Variants in FARP1 observed in about 807,000 individuals in gnomAD.
The protein encoded by FARP1 is FERM, ARH/RhoGEF and pleckstrin domain protein 1.
Under a neutral mutation model 128.8 loss-of-function variants are expected in FARP1, and 52 were observed. That is an observed-to-expected ratio of 0.40 (90% CI 0.32 to 0.51). The LOEUF is 0.51. FARP1 is among the 20% of genes least tolerant of loss of function. The pLI is 0.45. For synonymous variants in FARP1, 580 were observed against 551.8 expected (o/e 1.05, Z -0.72); for missense variants, 1,333 against 1,367.9 (o/e 0.97, Z 0.40).
chr13:98,331,981 T>C (rs1434412472), intron 2 of FARP1, among the ~76,000 whole-genome samples: 2 of 152,244 alleles, frequency 1.3e-5, no homozygotes, highest in African/African-American at 4.8e-5. Context: ...TGACTTTTTC[T>C]ACCCTCCCCA....
intron 2 of FARP1, among the ~76,000 whole-genome samples, chr13:98,324,340 G>A (rs1294340459): frequency 2.0e-5 from 3 of 152,130 alleles, no homozygotes; most frequent in South Asian, 4.1e-4. Flanking sequence ...ATGGAAAAGC[G>A]AAACACGGTT....
chr13:98,432,120 G>A (rs1480908999), intron 18 of FARP1: 4 of 152,196 alleles, frequency 2.6e-5, no homozygotes, highest in Admixed American at 1.3e-4. Flanking sequence ...AGAGGTTAAG[G>A]AACCTGCCCA....
At chr13:98,445,885 A>G in intron 24 of FARP1, 1 of 520,266 alleles carries the variant, frequency 1.9e-6, no homozygotes, top group Non-Finnish European at 3.4e-6. Flanking sequence ...CAGGGACCCC[A>G]AGATGCCCCA....
intron 6 of FARP1, among the ~76,000 whole-genome samples, chr13:98,382,040 T>A (rs1889904562): frequency 6.7e-6 from 1 of 150,248 alleles, no homozygotes; most frequent in Non-Finnish European, 1.5e-5. Flanking sequence ...CTGGGCAACA[T>A]AGTGAGAGCC....
chr13:98,412,865 A>G (rs1349804741), intron 16 of FARP1, among the ~76,000 whole-genome samples: 1 of 152,232 alleles, frequency 6.6e-6, no homozygotes, highest in Non-Finnish European at 1.5e-5. Flanking sequence ...CATTTGAAAA[A>G]TGCCAGGAGA....
chr13:98,159,291 T>C (rs1362757195), intron 1 of FARP1, among the ~76,000 whole-genome samples: 1 of 152,176 alleles, frequency 6.6e-6, no homozygotes, highest in African/African-American at 2.4e-5. Context: ...GCTTAGACTA[T>C]ACGGTATTAT....
chr13:98,320,901 G>A (rs1322280280), intron 2 of FARP1, among the ~76,000 whole-genome samples: 4 of 152,168 alleles, frequency 2.6e-5, no homozygotes, highest in African/African-American at 7.2e-5. Flanking sequence ...AGAAGGCCCG[G>A]AAATCTAAAT....
chr13:98,401,415 A>AACACACACACAGACACACACACAGAC (rs1890758418), intron 13 of FARP1: 1 of 130,862 alleles, frequency 7.6e-6, no homozygotes, highest in South Asian at 2.9e-4. Flanking sequence ...ATAATGACAA[A>AACACACACACAGACACACACACAGAC]ACACACACAC....
chr13:98,150,612 T>C (rs752930065), intron 1 of FARP1, among the ~76,000 whole-genome samples: 10 of 152,320 alleles, frequency 6.6e-5, no homozygotes, highest in South Asian at 6.2e-4. Context: ...TCAGGAAATA[T>C]ATTCAGTGTT....
intron 2 of FARP1, among the ~76,000 whole-genome samples, chr13:98,235,863 G>T (rs1594304461): frequency 2.2e-5 from 3 of 134,658 alleles, no homozygotes; most frequent in Middle Eastern, 4.5e-3. Flanking sequence ...CGCTCTTGTT[G>T]CCCAGGCTGG....
In FARP1 at chr13:98,388,485, G is replaced by A. The variant is rs1433311249; in HGVS notation, c.855+7G>A. ...GCTCCGGCCAGATGCCAATGTAAGT[G>A]GTCCTGGCGGGAAAGGGGACCCGTT... On this transcript the variant is annotated splice_region_variant and intron_variant, in intron 9 of 26. Transcript: ENST00000319562. 4.4e-6 allele frequency: 7 copies of A among 1,609,066 alleles called. No individual in the cohort carries two copies. The highest frequency in any genetic ancestry group is 6.0e-6 in the Non-Finnish European group (7 of 1,175,430).
At chr13:98,284,183 A>G (rs1320748401) in intron 2 of FARP1, among the ~76,000 whole-genome samples, 3 of 147,940 alleles carry the variant, frequency 2.0e-5, no homozygotes, top group Non-Finnish European at 4.5e-5. Context: ...TTTTTGTGTG[A>G]TTTTTTTTTT....
intron 8 of FARP1, among the ~76,000 whole-genome samples, chr13:98,388,152 C>T: frequency 6.6e-6 from 1 of 152,026 alleles, no homozygotes; most frequent in Non-Finnish European, 1.5e-5. Flanking sequence ...TTCTTCTCTC[C>T]CTAGAGGCAG....
At chr13:98,243,419 G>A (rs1317231271) in intron 2 of FARP1, among the ~76,000 whole-genome samples, 2 of 151,978 alleles carry the variant, frequency 1.3e-5, no homozygotes, top group Admixed American at 6.6e-5. Context: ...TGTATGGCCG[G>A]GCACGGTGGC....
intron 1 of FARP1, among the ~76,000 whole-genome samples, chr13:98,206,359 C>T (rs1346253548): frequency 2.6e-5 from 4 of 152,176 alleles, no homozygotes; most frequent in Non-Finnish European, 4.4e-5. Flanking sequence ...TATGGTTTCT[C>T]ATTTCATATC....
intron 3 of FARP1, among the ~76,000 whole-genome samples, chr13:98,357,797 G>A (rs1566913467): frequency 6.6e-6 from 1 of 152,166 alleles, no homozygotes; most frequent in Admixed American, 6.5e-5. Context: ...CACATATGCT[G>A]CATACTTCTG....
At chr13:98,431,759 C>T (rs1892039336) in intron 18 of FARP1, 1 of 152,942 alleles carries the variant, frequency 6.5e-6, no homozygotes. Context: ...GGTGCCCGGC[C>T]ACATCTTGAT....
intron 2 of FARP1, among the ~76,000 whole-genome samples, chr13:98,267,719 G>A (rs1328474665): frequency 1.3e-5 from 2 of 152,238 alleles, no homozygotes; most frequent in Admixed American, 6.5e-5. Context: ...AGGCGCAGCC[G>A]CGGACCTCAG....
At chr13:98,243,918 AT>A (rs1044358564) in intron 2 of FARP1, among the ~76,000 whole-genome samples, 20 of 152,100 alleles carry the variant, frequency 1.3e-4, no homozygotes, top group South Asian at 6.2e-4. Context: ...TTTAAGCCAA[AT>A]TCTTTAAAAT....
Sources: allele counts gnomAD v4.1 joint callset (sites outside exome capture counted in the v4.1 genomes callset), GRCh38; gene constraint gnomAD v4.1.1; transcripts MANE v1.5; gene names NCBI Gene and HGNC (gene_info 2026-07-23, HGNC 2026-07-21).